The following PEX26 variants were observed in gnomAD, a reference collection of about 807,000 sequenced individuals.
PEX26 encodes peroxisomal biogenesis factor 26, also known as peroxisome assembly protein 26.
In PEX26, 18 loss-of-function variants were observed where a neutral mutation model predicts 31.4. That is an observed-to-expected ratio of 0.57 (90% CI 0.40 to 0.85). PEX26 has a LOEUF of 0.85. PEX26 is among the 40% of genes least tolerant of loss of function. The pLI, the probability that PEX26 is intolerant of heterozygous loss-of-function variation, is 0.00. For missense variants in PEX26, 377 were observed against 383.9 expected, an observed-to-expected ratio of 0.98 and a Z score of 0.15; for synonymous variants, 176 against 166.9, an observed-to-expected ratio of 1.05 and a Z score of -0.42.
At chr22:18,087,373 C>A (rs1165945631) in intron 4 of PEX26, among the ~76,000 whole-genome samples, 1 of 152,194 alleles carries the variant, frequency 6.6e-6, no homozygotes, top group Non-Finnish European at 1.5e-5. Flanking sequence ...TCATGCCTGG[C>A]CAGCGAGGTT....
rs897801532 is a variant in PEX26 at position 18,092,728 on chromosome 22, T to G, written c.*4653T>G. 2.3e-5 allele frequency: 3 copies of G among 132,464 alleles called. No homozygotes were observed. In the East Asian group the frequency reaches 7.2e-4, roughly 32 times the overall value. 8.2% of individuals were successfully genotyped at this position (132,464 alleles called of 1,614,324 possible). On this transcript the variant is annotated 3_prime_UTR_variant, in exon 5 of 5. Transcript: ENST00000399744. ...TTGGCATGGTGGCTCACACCTATAA[T>G]CCCAGCACTTTGGGAGGCCAGAGTG...
rs1489195776 is a variant in PEX26 at position 18,094,200 on chromosome 22, T to A, written c.*6125T>A. 7.3e-6 allele frequency: 1 copy of A among 137,752 alleles called. No individual in the cohort carries two copies. Among genetic ancestry groups the A allele is most frequent in the Non-Finnish European group, 1.5e-5 (1 of 65,392 alleles). 8.5% of individuals were successfully genotyped at this position (137,752 alleles called of 1,614,324 possible). On this transcript the variant is annotated 3_prime_UTR_variant, in exon 5 of 5. Transcript: ENST00000399744. Reference sequence around the variant, plus strand: ...AAATGAAAGCACTTTTGTAGAAGAGTGTCATTTCAGAAAAAAGCCTTTTTT... The same window carrying A: ...AAATGAAAGCACTTTTGTAGAAGAGAGTCATTTCAGAAAAAAGCCTTTTTT...
In PEX26 at chr22:18,094,055, C is replaced by T. The variant is rs1927215319; in HGVS notation, c.*5980C>T. The T allele has an allele frequency of 6.6e-6, 1 of 152,244 alleles. No individual in the cohort carries two copies. The highest frequency in any genetic ancestry group is 6.5e-5 in the Admixed American group (1 of 15,288). 9.4% of individuals were successfully genotyped at this position (152,244 alleles called of 1,614,324 possible). ...TGACCTGAGCTCATATTTAGCTCTACATGTTTCCCAGCTCGTATTTTCCAA... is the reference window on the plus strand; with the variant it reads ...TGACCTGAGCTCATATTTAGCTCTATATGTTTCCCAGCTCGTATTTTCCAA... On this transcript the variant is annotated 3_prime_UTR_variant, in exon 5 of 5. Coordinates refer to ENST00000399744, the MANE Select transcript of PEX26 (RefSeq NM_001127649.3).
At chr22:18,085,353 G>T in intron 4 of PEX26, 95 bp downstream of exon 4, 1 of 1,282,250 alleles carries the variant, frequency 7.8e-7, no homozygotes. Context: ...TCCTACTGGG[G>T]AGGGGAGTCT....
chr22:18,102,768 C>G lies in PEX26; in HGVS notation c.*14693C>G, dbSNP rs2123680846. ...AGTAGGTGTCCTTCAGGATACTTTTCTGTCAAGTAAATACATTTATTAAAA... is the reference window on the plus strand; with the variant it reads ...AGTAGGTGTCCTTCAGGATACTTTTGTGTCAAGTAAATACATTTATTAAAA... On this transcript the variant is annotated 3_prime_UTR_variant, in exon 5 of 5. Coordinates refer to ENST00000399744, the MANE Select transcript of PEX26 (RefSeq NM_001127649.3). 6.6e-6 allele frequency: 1 copy of G among 152,222 alleles called. No homozygotes were observed. Among genetic ancestry groups the G allele is most frequent in the Non-Finnish European group, 1.5e-5 (1 of 68,022 alleles). The allele number at this position is 152,222 out of a possible 1,614,324, so 9.4% of individuals were successfully genotyped here. A position where few individuals can be genotyped will look rare whatever the true frequency, so the allele number is the denominator to read the frequency against.
At position 18,100,996 on chromosome 22, in the gene PEX26, C is replaced by G. The variant is rs1927436600; in HGVS notation, c.*12921C>G. The G allele has an allele frequency of 1.3e-5, 2 of 152,176 alleles. 1 individual carries two copies. The highest frequency in any genetic ancestry group is 4.2e-4 in the South Asian group (2 of 4,818). The allele number at this position is 152,176 out of a possible 1,614,324, so 9.4% of individuals were successfully genotyped here. ...ATGAATGCCGACTTAGCATTTTTGCCTTCACAGCGCTGGCAACTAAAAGGC... is the reference window on the plus strand; with the variant it reads ...ATGAATGCCGACTTAGCATTTTTGCGTTCACAGCGCTGGCAACTAAAAGGC... On this transcript the variant is annotated 3_prime_UTR_variant, in exon 5 of 5. Coordinates refer to ENST00000399744, the MANE Select transcript of PEX26 (RefSeq NM_001127649.3).
chr22:18,086,951 T>C (rs150400953), intron 4 of PEX26, among the ~76,000 whole-genome samples: 1,961 of 152,256 alleles, frequency 0.013, 22 homozygotes, highest in South Asian at 0.039. Context: ...CTTTCTCTGT[T>C]GCCCAGGCTG....
chr22:18,088,645 G>A lies in PEX26; in HGVS notation c.*570G>A, dbSNP rs927845846. On this transcript the variant is annotated 3_prime_UTR_variant, in exon 5 of 5. Coordinates refer to ENST00000399744, the MANE Select transcript of PEX26 (RefSeq NM_001127649.3). This position sits in a 1 kb window ranked among gnomAD's most constrained non-coding sequence, Gnocchi z 4.1. The stretch of plus-strand genomic sequence containing the variant: ...AATACAAAAATTAGCTAGATGTGGT[G>A]CACGCCTATAGTCCTAGCTACTTGG... 9.5e-6 allele frequency: 2 copies of A among 210,022 alleles called. No individual in the cohort carries two copies. Among genetic ancestry groups the A allele is most frequent in the African/African-American group, 2.3e-5 (1 of 43,340 alleles). The allele number at this position is 210,022 out of a possible 1,614,324, so 13.0% of individuals were successfully genotyped here.
intron 1 of PEX26, 133 bp downstream of exon 1, chr22:18,078,739 G>A (rs1926416994): frequency 2.3e-6 from 2 of 851,418 alleles, no homozygotes; most frequent in South Asian, 2.9e-5. Flanking sequence ...GTTTGTCTCC[G>A]AGAGGGTGGT....
intron 3 of PEX26, among the ~76,000 whole-genome samples, chr22:18,084,248 T>C (rs1431231604): frequency 3.3e-5 from 5 of 150,458 alleles, no homozygotes; most frequent in African/African-American, 9.8e-5. Flanking sequence ...TTTTTTTTTT[T>C]TTTTTTTTTT....
chr22:18,081,907 G>A (rs1432310249), intron 2 of PEX26, among the ~76,000 whole-genome samples: 4 of 152,136 alleles, frequency 2.6e-5, no homozygotes, highest in Non-Finnish European at 5.9e-5. Context: ...TTTGATAAGA[G>A]CTGTTCTAAC....
rs1346336425 is a variant in PEX26, at chr22:18,094,942, C to T, written c.*6867C>T. 1 of 152,018 alleles carries T rather than the reference C, an allele frequency of 6.6e-6. No individual in the cohort carries two copies. Among genetic ancestry groups the T allele is most frequent in the African/African-American group, 2.4e-5 (1 of 41,384 alleles). The allele number at this position is 152,018 out of a possible 1,614,324, so 9.4% of individuals were successfully genotyped here. A position where few individuals can be genotyped will look rare whatever the true frequency, so the allele number is the denominator to read the frequency against. On this transcript the variant is annotated 3_prime_UTR_variant, in exon 5 of 5. Transcript: ENST00000399744. ...ACAGACTCAGAGGGGCTAATGTGCCCAGTGCCCCACCGCTTTTAAATGGTA... is the reference window on the plus strand; with the variant it reads ...ACAGACTCAGAGGGGCTAATGTGCCTAGTGCCCCACCGCTTTTAAATGGTA...
Position 18,083,630 on chromosome 22 carries a change from G to C in PEX26, c.565G>C (p.Glu189Gln). ...ELVVGSAAFG[E>Q]ERRLDVLQAI... ...AGTGGTGGGCTCTGCAGCCTTTGGT[G>C]AGGAGCGGCGACTGGATGTACTTCA... The change falls in exon 3 of 5, where the codon GAG becomes CAG. Residue 189 changes from glutamate to glutamine, a missense_variant. Transcript: ENST00000399744. 6.2e-7 allele frequency: 1 copy of C among 1,614,134 alleles called. No homozygotes were observed.
rs1396465209 is a variant in PEX26, at chr22:18,097,205, C to T, written c.*9130C>T. 6.6e-6 allele frequency: 1 copy of T among 152,102 alleles called. No homozygotes were observed. The highest frequency in any genetic ancestry group is 6.5e-5 in the Admixed American group (1 of 15,272). The allele number at this position is 152,102 out of a possible 1,614,324, so 9.4% of individuals were successfully genotyped here. Reference sequence around the variant, plus strand: ...GACACAGAGCCAAACCATATCACCTCCCATCTCTTCATTTAGCAAGTTCAC... The same window carrying T: ...GACACAGAGCCAAACCATATCACCTTCCATCTCTTCATTTAGCAAGTTCAC... On this transcript the variant is annotated 3_prime_UTR_variant, in exon 5 of 5. Coordinates refer to ENST00000399744, the MANE Select transcript of PEX26 (RefSeq NM_001127649.3).
rs1927217893 is a variant in PEX26, at chr22:18,094,148, T to C, written c.*6073T>C. On this transcript the variant is annotated 3_prime_UTR_variant, in exon 5 of 5. Transcript: ENST00000399744. ...CTATCCAAGGTGGGACGGACAGGTGTCAGATAATAGCAGAGACTTGGTGAA... is the reference window on the plus strand; with the variant it reads ...CTATCCAAGGTGGGACGGACAGGTGCCAGATAATAGCAGAGACTTGGTGAA... 1 of 152,192 alleles carries C rather than the reference T, an allele frequency of 6.6e-6. No individual in the cohort carries two copies. The highest frequency in any genetic ancestry group is 2.4e-5 in the African/African-American group (1 of 41,454). The allele number at this position is 152,192 out of a possible 1,614,324, so 9.4% of individuals were successfully genotyped here.
chr22:18,079,523 A>G (rs1434550100), intron 1 of PEX26, among the ~76,000 whole-genome samples: 1 of 152,206 alleles, frequency 6.6e-6, no homozygotes, highest in East Asian at 1.9e-4. Flanking sequence ...CCATTTGTTC[A>G]CAGAGCAAAC....
rs1247073668 is a variant in PEX26 at position 18,105,095 on chromosome 22, T to A, written c.*17020T>A. ...TGCCTGGAAATGAAGAGATCTTTCTTGTGTCTCATCCTCTGGGCTCCCAGC... is the reference window on the plus strand; with the variant it reads ...TGCCTGGAAATGAAGAGATCTTTCTAGTGTCTCATCCTCTGGGCTCCCAGC... On this transcript the variant is annotated 3_prime_UTR_variant, in exon 5 of 5. Coordinates refer to ENST00000399744, the MANE Select transcript of PEX26 (RefSeq NM_001127649.3). 1 of 152,222 alleles carries A rather than the reference T, an allele frequency of 6.6e-6. No homozygotes were observed. The highest frequency in any genetic ancestry group is 1.5e-5 in the Non-Finnish European group (1 of 68,058). 9.4% of individuals were successfully genotyped at this position (152,222 alleles called of 1,614,324 possible).
Position 18,078,555 on chromosome 22 carries a change from G to C in PEX26, c.179G>C (p.Arg60Pro). ...CGGGCGGCGCTGGAGACCTGCGAGC[G>C]GGCCTGGCAGAGTCTGGCCAACCAC... The part of the protein sequence containing the change: ...DFRAALETCE[R>P]AWQSLANHAV... The change falls in exon 1 of 5, where the codon CGG becomes CCG. Residue 60 changes from arginine to proline, a missense_variant. Coordinates refer to ENST00000399744, the MANE Select transcript of PEX26 (RefSeq NM_001127649.3). The C allele has an allele frequency of 6.3e-7, 1 of 1,592,318 alleles. No homozygotes were observed. Among genetic ancestry groups the C allele is most frequent in the Non-Finnish European group, 8.5e-7 (1 of 1,172,156 alleles).
chr22:18,101,557 A>C lies in PEX26; in HGVS notation c.*13482A>C, dbSNP rs551786707. On this transcript the variant is annotated 3_prime_UTR_variant, in exon 5 of 5. Coordinates refer to ENST00000399744, the MANE Select transcript of PEX26 (RefSeq NM_001127649.3). Reference sequence around the variant, plus strand: ...CTGCAGAAAGTGATCTCTTACTCATACTTCAAGACACAGCCTAAGTATGAC... The same window carrying C: ...CTGCAGAAAGTGATCTCTTACTCATCCTTCAAGACACAGCCTAAGTATGAC... 6.1e-6 allele frequency: 1 copy of C among 162,994 alleles called. No individual in the cohort carries two copies. The highest frequency in any genetic ancestry group is 1.3e-5 in the Non-Finnish European group (1 of 75,030). 10.1% of individuals were successfully genotyped at this position (162,994 alleles called of 1,614,324 possible). A position where few individuals can be genotyped will look rare whatever the true frequency, so the allele number is the denominator to read the frequency against.
Sources: allele counts gnomAD v4.1 joint callset (sites outside exome capture counted in the v4.1 genomes callset), GRCh38; gene constraint gnomAD v4.1.1; non-coding constraint Gnocchi (gnomAD v3.1); transcripts MANE v1.5; gene names NCBI Gene and HGNC (gene_info 2026-07-23, HGNC 2026-07-21).